Variants in MGAM observed in about 807,000 individuals in gnomAD.
MGAM encodes alpha-1,4-glucosidase.
Under a neutral mutation model 358.8 loss-of-function variants are expected in MGAM, and 253 were observed. The observed-to-expected ratio is 0.71, with a 90% CI of 0.64 to 0.78. The LOEUF is 0.78. Ranked by LOEUF, MGAM falls within the 30% of genes least tolerant of loss-of-function variation. The pLI is 0.00. For missense variants in MGAM, 3,080 were observed against 3,432.6 expected (o/e 0.90, Z 2.57); for synonymous variants, 1,105 against 1,227.1 (o/e 0.90, Z 2.08).
At position 142,082,372 on chromosome 7, in the gene MGAM, A is replaced by T; in HGVS notation, c.6172-103A>T. 2.3e-6 allele frequency: 3 copies of T among 1,285,374 alleles called. 1 individual carries two copies. The highest frequency in any genetic ancestry group is 3.3e-6 in the Non-Finnish European group (3 of 921,238). 79.6% of individuals were successfully genotyped at this position (1,285,374 alleles called of 1,614,324 possible). A position where few individuals can be genotyped will look rare whatever the true frequency, so the allele number is the denominator to read the frequency against. On this transcript the variant is annotated intron_variant, in intron 51 of 70. Coordinates refer to ENST00000475668, the MANE Select transcript of MGAM (RefSeq NM_001365693.1). ...TTGTTTCATGTGTTTAATTGATTTC[A>T]TGGAGAAAACTAGACCCATCTTAGC...
rs114436552 is a variant in MGAM at position 142,068,507 on chromosome 7, G to T, written c.5005-140G>T. The T allele has an allele frequency of 1.3e-3, 848 of 650,872 alleles. 31 individuals carry two copies. In the African/African-American group the frequency reaches 0.014, roughly 10 times the overall value. 40.3% of individuals were successfully genotyped at this position (650,872 alleles called of 1,614,324 possible). A position where few individuals can be genotyped will look rare whatever the true frequency, so the allele number is the denominator to read the frequency against. On this transcript the variant is annotated intron_variant, in intron 42 of 70. Coordinates refer to ENST00000475668, the MANE Select transcript of MGAM (RefSeq NM_001365693.1). ...TAAAAAAGAAAACAGGAAGAAGGTT[G>T]CCCCAGTTGTTAACCTCTTGGGACA... is the stretch of plus-strand genomic sequence containing the variant.
intron 37 of MGAM, 147 bp downstream of exon 37, chr7:142,064,669 T>C: frequency 7.9e-7 from 1 of 1,260,506 alleles, no homozygotes; most frequent in South Asian, 1.6e-5. Context: ...ATTAAACAAA[T>C]GCTCATTGAC....
chr7:141,987,779 T>A (rs1803776478), intron 2 of MGAM, among the ~76,000 whole-genome samples: 1 of 148,776 alleles, frequency 6.7e-6, no homozygotes, highest in Non-Finnish European at 1.5e-5. Flanking sequence ...AACATTTAGT[T>A]TGAAAAAGCC....
rs1240608062 is a variant in MGAM, at chr7:142,106,482, A to T, written c.*591A>T. ...AGTAAGAACATAATGTAAAATTGTC[A>T]GCAGCCTCATGGGGAGGAAAAAGGA... On this transcript the variant is annotated 3_prime_UTR_variant, in exon 71 of 71. Coordinates refer to ENST00000475668, the MANE Select transcript of MGAM (RefSeq NM_001365693.1). 1 of 152,274 alleles carries T rather than the reference A, an allele frequency of 6.6e-6. No individual in the cohort carries two copies. Among genetic ancestry groups the T allele is most frequent in the East Asian group, 1.9e-4 (1 of 5,200 alleles). The allele number at this position is 152,274 out of a possible 1,614,324, so 9.4% of individuals were successfully genotyped here.
At chr7:142,010,776 C>T (rs1014362894) in intron 3 of MGAM, among the ~76,000 whole-genome samples, 1 of 152,160 alleles carries the variant, frequency 6.6e-6, no homozygotes, top group African/African-American at 2.4e-5. Flanking sequence ...GACCCTACCT[C>T]TGTGCCTCTA....
At chr7:142,057,694 G>T (rs1381863476) in intron 30 of MGAM, among the ~76,000 whole-genome samples, 2 of 151,956 alleles carry the variant, frequency 1.3e-5, no homozygotes, top group African/African-American at 4.8e-5. Flanking sequence ...GGTGGTCGTG[G>T]CAGCAACAAC....
At chr7:142,095,258 C>A (rs1815789790) in intron 63 of MGAM, among the ~76,000 whole-genome samples, 1 of 152,140 alleles carries the variant, frequency 6.6e-6, no homozygotes, top group Admixed American at 6.5e-5. Flanking sequence ...AATTGTTAAG[C>A]CCATGGGTCT....
chr7:142,104,025 T>C (rs562011272), intron 70 of MGAM, among the ~76,000 whole-genome samples: 10 of 152,254 alleles, frequency 6.6e-5, no homozygotes, highest in African/African-American at 2.4e-4. Context: ...GCTAATTTTT[T>C]GTATTTTTAG....
rs10271524 is a variant in MGAM at position 142,021,776 on chromosome 7, G to T, written c.710+39G>T. 9.7e-3 allele frequency: 15,585 copies of T among 1,606,560 alleles called. 205 individuals carry two copies. The highest frequency in any genetic ancestry group is 0.058 in the African/African-American group (4,332 of 74,800). ...ACCTATCTAAGGATCAGAGTAGGAA[G>T]GTTACAGGGAGGTCTGTAAGCATGA... On this transcript the variant is annotated intron_variant, in intron 6 of 70. Transcript: ENST00000475668.
chr7:142,039,503 T>C (rs1808312543), intron 19 of MGAM, among the ~76,000 whole-genome samples: 2 of 152,076 alleles, frequency 1.3e-5, no homozygotes, highest in Admixed American at 1.3e-4. Context: ...TCTGCCCTCA[T>C]CATCCAGTCA....
intron 70 of MGAM, among the ~76,000 whole-genome samples, chr7:142,104,954 C>T (rs956216878): frequency 6.6e-6 from 1 of 152,098 alleles, no homozygotes; most frequent in Non-Finnish European, 1.5e-5. Flanking sequence ...TTCAGTTTTG[C>T]ATTCTTTACA....
At chr7:142,047,570 ATGTTAT>A (rs1301880204) in intron 21 of MGAM, among the ~76,000 whole-genome samples, 1 of 152,120 alleles carries the variant, frequency 6.6e-6, no homozygotes, top group African/African-American at 2.4e-5. Flanking sequence ...TCTAACATAG[ATGTTAT>A]TGTTAATGTT....
In MGAM at chr7:142,102,689, A is replaced by G. The variant is rs922375177; in HGVS notation, c.8013+10A>G. 3.2e-5 allele frequency: 51 copies of G among 1,612,144 alleles called. No homozygotes were observed. The highest frequency in any genetic ancestry group is 4.2e-5 in the Non-Finnish European group (50 of 1,178,818). On this transcript the variant is annotated intron_variant, in intron 69 of 70. Transcript: ENST00000475668. The stretch of plus-strand genomic sequence containing the variant: ...CTTTTCTGCCAGCCAGGTGAGTGTG[A>G]TTGATATGAAGTGAGAATAGGGTTC...
At chr7:142,026,623 A>G (rs1336572542) in intron 8 of MGAM, among the ~76,000 whole-genome samples, 1 of 152,168 alleles carries the variant, frequency 6.6e-6, no homozygotes, top group African/African-American at 2.4e-5. Flanking sequence ...GGAGGATGTG[A>G]TAGTCTTGTA....
rs186797133 is a variant in MGAM at position 142,045,945 on chromosome 7, T to G, written c.2499-1840T>G. ...TATTATGTATACATACAATATGTAA[T>G]ATATATTATGTATACATACAATATG... On this transcript the variant is annotated intron_variant, in intron 21 of 70. Coordinates refer to ENST00000475668, the MANE Select transcript of MGAM (RefSeq NM_001365693.1). 7.1e-3 allele frequency among the ~76,000 whole-genome samples: 809 copies of G among 114,314 alleles called. 21 individuals are homozygous for G. The highest frequency in any genetic ancestry group is 0.027 in the African/African-American group (774 of 28,300). The allele number at this position is 114,314 out of a possible 152,430, so 75.0% of individuals were successfully genotyped here.
rs368458073 is a variant in MGAM, at chr7:142,095,693, T to C, written c.7587T>C (p.Val2529=). The C allele has an allele frequency of 2.5e-6, 4 of 1,614,000 alleles. No individual in the cohort carries two copies. The highest frequency in any genetic ancestry group is 3.4e-6 in the Non-Finnish European group (4 of 1,179,882). The change falls in exon 64 of 71, where the codon GTT becomes GTC. Residue 2529 remains valine (V), a synonymous_variant. Coordinates refer to ENST00000475668, the MANE Select transcript of MGAM (RefSeq NM_001365693.1). ...MHKAHTEGVT[V]VRPLLHEFVS... ...AGGCCCACACGGAGGGCGTCACTGT[T>C]GTGCGGCCTCTGCTCCATGAGTGAG...
intron 3 of MGAM, among the ~76,000 whole-genome samples, chr7:142,018,677 A>G (rs1806161742): frequency 6.6e-6 from 1 of 152,210 alleles, no homozygotes; most frequent in Admixed American, 6.5e-5. Flanking sequence ...GTCAAGAAAG[A>G]CTACTTTCTG....
At position 142,082,135 on chromosome 7, in the gene MGAM, G is replaced by A. The variant is rs10271669; in HGVS notation, c.6096G>A (p.Glu2032=). 0.083 allele frequency: 128,906 copies of A among 1,555,176 alleles called. 27,316 individuals are homozygous for A. The highest frequency in any genetic ancestry group is 0.52 in the African/African-American group (38,810 of 74,260). Residue 2032 remains glutamate, a synonymous_variant, in exon 51 of 71, where the codon GAG becomes GAA. Coordinates refer to ENST00000475668, the MANE Select transcript of MGAM (RefSeq NM_001365693.1). ...LPSKYLYGFG[E]TEHTSYRRDL... ...CCAAGTACCTCTATGGCTTTGGGGAGACTGAGCACACGTCCTACAGGAGAG... is the reference window on the plus strand; with the variant it reads ...CCAAGTACCTCTATGGCTTTGGGGAAACTGAGCACACGTCCTACAGGAGAG...
At chr7:142,041,121 C>G (rs1309501394) in intron 21 of MGAM, among the ~76,000 whole-genome samples, 2 of 152,076 alleles carry the variant, frequency 1.3e-5, no homozygotes, top group South Asian at 4.1e-4. Flanking sequence ...GACTCTCCTC[C>G]CTCCTAGAAT....
Sources: gnomAD v4.1 joint callset for allele counts (sites outside exome capture counted in the v4.1 genomes callset) on GRCh38, gnomAD v4.1.1 for gene constraint, MANE v1.5 for transcripts, NCBI Gene and HGNC (gene_info 2026-07-23, HGNC 2026-07-21) for gene names.